PTPRD: variants seen among roughly 807,000 people sequenced by gnomAD.
PTPRD encodes the protein protein tyrosine phosphatase receptor type D.
Under a neutral mutation model 214.5 loss-of-function variants are expected in PTPRD, and 34 were observed. The observed-to-expected ratio is 0.16, with a 90% CI of 0.12 to 0.21. PTPRD has a LOEUF of 0.21. PTPRD is among the 10% of genes least tolerant of loss of function. The pLI, the probability that PTPRD is intolerant of heterozygous loss-of-function variation, is 1.00. For synonymous variants in PTPRD, 1,128 were observed against 845.7 expected (o/e 1.33, Z -5.79); for missense variants, 2,545 against 2,398.7 (o/e 1.06, Z -1.27).
chr9:10,085,572 G>C (rs1014839806), intron 3 of PTPRD, among the ~76,000 whole-genome samples: 7 of 151,356 alleles, frequency 4.6e-5, no homozygotes, highest in Admixed American at 4.6e-4. Context: ...AGAGATGCTG[G>C]TCATAAGCTA....
At chr9:8,544,223 G>A (rs535402510) in intron 14 of PTPRD, among the ~76,000 whole-genome samples, 38 of 139,848 alleles carry the variant, frequency 2.7e-4, no homozygotes, top group African/African-American at 1.0e-3. Context: ...CTGGAGGGCA[G>A]TGGTGCCATC....
chr9:8,505,726 T>A (rs1282203932), intron 22 of PTPRD, among the ~76,000 whole-genome samples: 1 of 151,844 alleles, frequency 6.6e-6, no homozygotes, highest in East Asian at 1.9e-4. Flanking sequence ...ATACAAAAGT[T>A]TTCAGGAATT....
intron 11 of PTPRD, among the ~76,000 whole-genome samples, chr9:8,776,775 C>T (rs867263119): frequency 6.9e-6 from 1 of 145,784 alleles, no homozygotes; most frequent in East Asian, 2.0e-4. Flanking sequence ...AAGTCCTACC[C>T]TTTAAAAAAT....
intron 10 of PTPRD, among the ~76,000 whole-genome samples, chr9:9,173,367 C>T (rs10977547): frequency 5.5e-4 from 84 of 152,246 alleles, no homozygotes; most frequent in Non-Finnish European, 9.1e-4. Context: ...GGTGTCTATT[C>T]GGATGGGTTG....
rs1238503527 is a variant in PTPRD, at chr9:10,426,375, A to G, written c.-599-85358T>C. On this transcript the variant is annotated intron_variant, in intron 2 of 45. Transcript: ENST00000381196. ...TCTATCGGTTACTTTGCTTGTACTT[A>G]TTTTCTTCAAAAAAGCCCAAAAATT... Among the ~76,000 whole-genome samples the G allele has an allele frequency of 3.3e-5, 5 of 151,258 alleles. No homozygotes were observed. The East Asian group carries it at 7.8e-4, about 24-fold the overall frequency.
rs564122175 is a variant in PTPRD at position 8,395,062 on chromosome 9, T to C, written c.4211-5655A>G. Among the ~76,000 whole-genome samples the C allele has an allele frequency of 7.9e-5, 12 of 152,236 alleles. No individual in the cohort carries two copies. The South Asian group carries it at 2.5e-3, about 32-fold the overall frequency. On this transcript the variant is annotated intron_variant, in intron 36 of 45. Coordinates refer to ENST00000381196, the MANE Select transcript of PTPRD (RefSeq NM_002839.4). ...GCTGAGCGTCTTACCCTGCTCCAACTCACAATTTGGCTTCAAATCCCAGGT... is the reference window on the plus strand; with the variant it reads ...GCTGAGCGTCTTACCCTGCTCCAACCCACAATTTGGCTTCAAATCCCAGGT...
chr9:8,782,891 T>C (rs1054800183), intron 11 of PTPRD, among the ~76,000 whole-genome samples: 12 of 152,228 alleles, frequency 7.9e-5, no homozygotes, highest in Non-Finnish European at 1.6e-4. Flanking sequence ...CCACCACGCC[T>C]GGCCTACACT....
At chr9:9,463,618 A>C (rs2093870428) in intron 8 of PTPRD, among the ~76,000 whole-genome samples, 1 of 152,144 alleles carries the variant, frequency 6.6e-6, no homozygotes, top group South Asian at 2.1e-4. Context: ...CAATTTTTTA[A>C]AACCTTCTAT....
chr9:9,486,275 C>T (rs565801672), intron 8 of PTPRD, among the ~76,000 whole-genome samples: 1 of 149,338 alleles, frequency 6.7e-6, no homozygotes, highest in Admixed American at 6.7e-5. Context: ...ACATCCCTTA[C>T]CTTTGCGTCT....
chr9:9,280,841 G>C (rs2133546853), intron 9 of PTPRD, among the ~76,000 whole-genome samples: 1 of 151,268 alleles, frequency 6.6e-6, no homozygotes, highest in East Asian at 2.0e-4. Context: ...GAAGGAAAAG[G>C]TGGAGGGCTG....
chr9:10,316,751 C>G (rs1001586000), intron 3 of PTPRD, among the ~76,000 whole-genome samples: 38 of 151,888 alleles, frequency 2.5e-4, no homozygotes, highest in African/African-American at 9.2e-4. Context: ...AGAGATTATT[C>G]TAATCTAAAA....
At chr9:8,830,911 A>G (rs2097275637) in intron 11 of PTPRD, among the ~76,000 whole-genome samples, 1 of 152,180 alleles carries the variant, frequency 6.6e-6, no homozygotes, top group African/African-American at 2.4e-5. Flanking sequence ...AACCATTATA[A>G]GGCTTAATCA....
chr9:8,539,913 G>T (rs1342073483), intron 14 of PTPRD, among the ~76,000 whole-genome samples: 1 of 152,100 alleles, frequency 6.6e-6, no homozygotes, highest in Non-Finnish European at 1.5e-5. Context: ...CTGGAAAAAT[G>T]TGATCAAAAG....
intron 24 of PTPRD, 133 bp from the exon 25 acceptor site, chr9:8,499,973 C>A: frequency 1.1e-4 from 44 of 417,550 alleles, no homozygotes; most frequent in Middle Eastern, 3.7e-4. Flanking sequence ...TTGAAGAATA[C>A]AAACATTTTC....
chr9:8,442,098 G>T (rs7869958), intron 34 of PTPRD, among the ~76,000 whole-genome samples: 19,938 of 152,118 alleles, frequency 0.13, 1,611 homozygotes, highest in East Asian at 0.27. Context: ...GCAAAAACAC[G>T]TCTGTATTTT....
intron 9 of PTPRD, among the ~76,000 whole-genome samples, chr9:9,252,916 A>T (rs1355599552): frequency 6.6e-6 from 1 of 152,072 alleles, no homozygotes; most frequent in African/African-American, 2.4e-5. Flanking sequence ...CTTTCTTTTT[A>T]AAAGAAATTA....
At chr9:9,546,549 C>T (rs1172601617) in intron 8 of PTPRD, among the ~76,000 whole-genome samples, 1 of 151,584 alleles carries the variant, frequency 6.6e-6, no homozygotes, top group East Asian at 1.9e-4. Context: ...GTTTACCTCT[C>T]TAGTAGTGAC....
At chr9:10,224,747 A>G (rs2099583262) in intron 3 of PTPRD, among the ~76,000 whole-genome samples, 1 of 151,956 alleles carries the variant, frequency 6.6e-6, no homozygotes, top group South Asian at 2.1e-4. Flanking sequence ...CAGGAAGACC[A>G]ACTCTCCTCT....
intron 44 of PTPRD, among the ~76,000 whole-genome samples, chr9:8,331,065 T>TTAAC (rs143354630): frequency 0.12 from 17,658 of 151,740 alleles, 1,191 homozygotes; most frequent in South Asian, 0.28. Context: ...TTGAAAATAA[T>TTAAC]TAACTTGAAG....
Sources: allele counts gnomAD v4.1 joint callset (sites outside exome capture counted in the v4.1 genomes callset), GRCh38; gene constraint gnomAD v4.1.1; transcripts MANE v1.5; gene names NCBI Gene and HGNC (gene_info 2026-07-23, HGNC 2026-07-21).